Variants in CDH4 observed in about 807,000 individuals in gnomAD.
CDH4 encodes cadherin 4, also known as cadherin-4.
CDH4 carries 33 observed loss-of-function variants against 86.0 expected under a neutral mutation model. That is an observed-to-expected ratio of 0.38 (90% CI 0.29 to 0.51). The LOEUF is 0.51. Among genes scored for constraint, CDH4 ranks in the 20% least tolerant of loss-of-function variants. The probability of loss-of-function intolerance (pLI) is 0.86; values close to 1 mark genes in which losing one functional copy is unlikely to be tolerated. For synonymous variants in CDH4, 555 were observed against 549.4 expected (o/e 1.01, Z -0.14); for missense variants, 1,114 against 1,307.4 (o/e 0.85, Z 2.28).
intron 2 of CDH4, among the ~76,000 whole-genome samples, chr20:61,522,720 CCGCGGAAA>C (rs1354318707): frequency 2.0e-4 from 26 of 128,098 alleles, no homozygotes; most frequent in African/African-American, 6.9e-4. Context: ...CTGTTGTCTT[CCGCGGAAA>C]TGGCCGCGGG....
At chr20:61,728,858 A>G (rs1283685213) in intron 2 of CDH4, among the ~76,000 whole-genome samples, 4 of 152,230 alleles carry the variant, frequency 2.6e-5, no homozygotes, top group South Asian at 2.1e-4. Flanking sequence ...GGACTCTCAC[A>G]GCCTTGAATG....
intron 2 of CDH4, among the ~76,000 whole-genome samples, chr20:61,716,891 G>T (rs1187285256): frequency 6.6e-6 from 1 of 152,208 alleles, no homozygotes; most frequent in East Asian, 1.9e-4. Context: ...CTGGGCAACA[G>T]AGTGAGCCTC....
chr20:61,736,354 G>A (rs770854475), intron 2 of CDH4, among the ~76,000 whole-genome samples: 2 of 152,110 alleles, frequency 1.3e-5, no homozygotes, highest in Non-Finnish European at 2.9e-5. Context: ...GCCTTCTCTG[G>A]AACCTCATTC....
intron 2 of CDH4, among the ~76,000 whole-genome samples, chr20:61,292,174 A>T (rs2084325655): frequency 6.6e-6 from 1 of 152,200 alleles, no homozygotes; most frequent in Non-Finnish European, 1.5e-5. Flanking sequence ...CCCTAAAGAC[A>T]CATGCACGCA....
At chr20:61,736,684 A>C (rs1372163991) in intron 2 of CDH4, among the ~76,000 whole-genome samples, 1 of 151,758 alleles carries the variant, frequency 6.6e-6, no homozygotes, top group Non-Finnish European at 1.5e-5. Flanking sequence ...AGAGAGGAGC[A>C]AGCTGCCCTT....
At chr20:61,767,717 C>T (rs1233755234) in intron 3 of CDH4, among the ~76,000 whole-genome samples, 1 of 152,110 alleles carries the variant, frequency 6.6e-6, no homozygotes, top group East Asian at 1.9e-4. Context: ...GAGTCAAAGG[C>T]ACAGGGAAGA....
At chr20:61,647,556 T>TCTCTCTCTCTCC (rs1568731977) in intron 2 of CDH4, among the ~76,000 whole-genome samples, 1 of 105,788 alleles carries the variant, frequency 9.5e-6, no homozygotes, top group African/African-American at 3.5e-5. Context: ...CCTCTCCCTC[T>TCTCTCTCTCTCC]CCCTCTCCCT....
At chr20:61,648,817 G>A (rs1175264556) in intron 2 of CDH4, among the ~76,000 whole-genome samples, 1 of 152,194 alleles carries the variant, frequency 6.6e-6, no homozygotes, top group Non-Finnish European at 1.5e-5. Context: ...AACCAAGTGT[G>A]TTAACATGTA....
chr20:61,869,831 C>G (rs1052015676), intron 6 of CDH4, among the ~76,000 whole-genome samples: 1 of 152,154 alleles, frequency 6.6e-6, no homozygotes, highest in Non-Finnish European at 1.5e-5. Context: ...CTTCGGGGAC[C>G]GAGGAGTCCT....
At chr20:61,499,516 G>A in intron 2 of CDH4, 1 of 1,288,756 alleles carries the variant, frequency 7.8e-7, no homozygotes, top group Middle Eastern at 2.1e-4. Flanking sequence ...TGCTAGGGGG[G>A]CTTAGGGTTG....
intron 6 of CDH4, among the ~76,000 whole-genome samples, chr20:61,864,633 C>T (rs900956675): frequency 6.6e-6 from 1 of 152,178 alleles, no homozygotes; most frequent in African/African-American, 2.4e-5. Flanking sequence ...AGCTCCCTCT[C>T]CAGGACACAC....
intron 9 of CDH4, among the ~76,000 whole-genome samples, chr20:61,920,145 T>TCGC (rs2054958533): frequency 2.3e-5 from 1 of 44,218 alleles, no homozygotes; most frequent in Non-Finnish European, 4.7e-5. Context: ...AAGCGTGGTT[T>TCGC]TGTGATTGCA....
In CDH4 at chr20:61,644,727, T is replaced by C. The variant is rs931662795; in HGVS notation, c.170-98836T>C. 7.2e-5 allele frequency among the ~76,000 whole-genome samples: 11 copies of C among 152,226 alleles called. 1 individual carries two copies. Among genetic ancestry groups the C allele is most frequent in the Admixed American group, 6.5e-4 (10 of 15,284 alleles). On this transcript the variant is annotated intron_variant, in intron 2 of 15. Transcript: ENST00000614565. ...CCGTCTATGTGGTGGGGCTCTGCCC[T>C]ACCGTTCCTGGCTTCGTGGAGTTCT...
In CDH4 at chr20:61,497,533, C is replaced by T. The variant is rs189319501; in HGVS notation, c.169+242596C>T. 1.5e-4 allele frequency among the ~76,000 whole-genome samples: 23 copies of T among 152,174 alleles called. No homozygotes were observed. The East Asian group carries it at 1.5e-3, about 10-fold the overall frequency. On this transcript the variant is annotated intron_variant, in intron 2 of 15. Transcript: ENST00000614565. Reference sequence around the variant, plus strand: ...TACCATCTCACACCAGTTAGAATGGCGATCATTAAAAAGTCAGGAAACAGC... The same window carrying T: ...TACCATCTCACACCAGTTAGAATGGTGATCATTAAAAAGTCAGGAAACAGC...
intron 2 of CDH4, among the ~76,000 whole-genome samples, chr20:61,387,847 C>T (rs1039650876): frequency 1.3e-5 from 2 of 152,288 alleles, no homozygotes; most frequent in South Asian, 2.1e-4. Flanking sequence ...CACTCCTTCC[C>T]GGCCCCACCC....
At chr20:61,266,437 T>C (rs924288291) in intron 2 of CDH4, among the ~76,000 whole-genome samples, 1 of 151,888 alleles carries the variant, frequency 6.6e-6, no homozygotes, top group Admixed American at 6.6e-5. Flanking sequence ...AATGTTGACA[T>C]TTTTTGCTTT....
intron 2 of CDH4, among the ~76,000 whole-genome samples, chr20:61,543,990 G>T (rs2086058445): frequency 6.6e-6 from 1 of 152,160 alleles, no homozygotes; most frequent in Non-Finnish European, 1.5e-5. Flanking sequence ...AGGGTGTGGT[G>T]GTACAGCTTT....
At chr20:61,906,430 C>T (rs1030410991) in intron 8 of CDH4, among the ~76,000 whole-genome samples, 2 of 152,280 alleles carry the variant, frequency 1.3e-5, no homozygotes, top group African/African-American at 4.8e-5. Context: ...GGTGACATGG[C>T]CGCAGGACCG....
At chr20:61,920,677 C>T (rs954809611) in intron 9 of CDH4, among the ~76,000 whole-genome samples, 30 of 139,594 alleles carry the variant, frequency 2.1e-4, no homozygotes, top group African/African-American at 8.0e-4. Context: ...TGCATGGAAG[C>T]GTGGTGTCGT....
Sources: gnomAD v4.1 joint callset for allele counts (sites outside exome capture counted in the v4.1 genomes callset) on GRCh38, gnomAD v4.1.1 for gene constraint, MANE v1.5 for transcripts, NCBI Gene and HGNC (gene_info 2026-07-23, HGNC 2026-07-21) for gene names.